PCBP3: variants seen among roughly 807,000 people sequenced by gnomAD.
PCBP3 encodes the protein poly(rC) binding protein 3.
In PCBP3, 25 loss-of-function variants were observed where a neutral mutation model predicts 52.7. The observed-to-expected ratio is 0.47, with a 90% CI of 0.35 to 0.66. The LOEUF (loss-of-function observed/expected upper bound fraction) is 0.66, where lower values mean the gene tolerates loss of function less well. Among genes scored for constraint, PCBP3 ranks in the 30% least tolerant of loss-of-function variants. The pLI is 0.01. For synonymous variants in PCBP3, 162 were observed against 183.0 expected (o/e 0.89, Z 0.93); for missense variants, 391 against 490.3 (o/e 0.80, Z 1.91).
chr21:45,879,370 A>G (rs2095345860), intron 5 of PCBP3, among the ~76,000 whole-genome samples: 2 of 152,246 alleles, frequency 1.3e-5, no homozygotes, highest in African/African-American at 4.8e-5. Flanking sequence ...TGTAGACTCA[A>G]TAACAATGGA....
At chr21:45,649,397 TA>T (rs1603084161) in intron 1 of PCBP3, among the ~76,000 whole-genome samples, 1 of 152,186 alleles carries the variant, frequency 6.6e-6, no homozygotes, top group East Asian at 1.9e-4. Flanking sequence ...TCCTCCTCTT[TA>T]AAAAATATTT....
intron 4 of PCBP3, among the ~76,000 whole-genome samples, chr21:45,844,712 G>A (rs977907768): frequency 1.3e-5 from 2 of 152,070 alleles, no homozygotes; most frequent in South Asian, 2.1e-4. Flanking sequence ...AAGTGGCAAC[G>A]TTAGGGTCCA....
At position 45,901,378 on chromosome 21, in the gene PCBP3, C is replaced by T. The variant is rs909643725; in HGVS notation, c.339+265C>T. 3.6e-5 allele frequency: 15 copies of T among 421,226 alleles called. No individual in the cohort carries two copies. In the East Asian group the frequency reaches 6.9e-4, roughly 19 times the overall value. 26.1% of individuals were successfully genotyped at this position (421,226 alleles called of 1,614,324 possible). A position where few individuals can be genotyped will look rare whatever the true frequency, so the allele number is the denominator to read the frequency against. On this transcript the variant is annotated intron_variant, in intron 9 of 17. Coordinates refer to ENST00000681687, the MANE Select transcript of PCBP3 (RefSeq NM_001384156.1). ...TCCACCTCCCTCAGCTTCCCCAGAC[C>T]CTGCCCTGGGGCACCGAGCACGGCC...
rs2091520413 is a variant in PCBP3, at chr21:45,791,113, A to AGAGATGG, written c.-126+35662_-126+35668dup. Among the ~76,000 whole-genome samples the AGAGATGG allele has an allele frequency of 6.6e-6, 1 of 152,170 alleles. No homozygotes were observed. Among genetic ancestry groups the AGAGATGG allele is most frequent in the East Asian group, 1.9e-4 (1 of 5,174 alleles). On this transcript the variant is annotated intron_variant, in intron 4 of 17. Coordinates refer to ENST00000681687, the MANE Select transcript of PCBP3 (RefSeq NM_001384156.1). The surrounding 1 kb of genome is among the most constrained non-coding windows in gnomAD (Gnocchi z 4.2). Reference sequence around the variant, plus strand: ...CAGCATCTTGCAGTGGCGAAGGTGCAGAGATGGTGGGGTCCATCCCAGGAA... The same window carrying AGAGATGG: ...CAGCATCTTGCAGTGGCGAAGGTGCAGAGATGGGAGATGGTGGGGTCCATCCCAGGAA...
chr21:45,865,726 G>A (rs1013670076), intron 5 of PCBP3, among the ~76,000 whole-genome samples: 5 of 152,216 alleles, frequency 3.3e-5, no homozygotes, highest in African/African-American at 1.2e-4. Flanking sequence ...CCTTCTCCAT[G>A]TGTGGGGTGT....
intron 4 of PCBP3, among the ~76,000 whole-genome samples, chr21:45,778,192 T>C (rs1569210967): frequency 6.6e-6 from 1 of 152,118 alleles, no homozygotes; most frequent in Non-Finnish European, 1.5e-5. Flanking sequence ...TAAACAGCAT[T>C]GGTGGTGTCT....
intron 4 of PCBP3, among the ~76,000 whole-genome samples, chr21:45,796,987 A>C (rs1291840672): frequency 6.6e-6 from 1 of 152,242 alleles, no homozygotes; most frequent in Non-Finnish European, 1.5e-5. Flanking sequence ...GTCTGGGGAC[A>C]GGCCATGGAG....
intron 4 of PCBP3, among the ~76,000 whole-genome samples, chr21:45,807,248 G>C (rs561536669): frequency 1.8e-4 from 27 of 152,284 alleles, no homozygotes; most frequent in Non-Finnish European, 3.1e-4. Flanking sequence ...AAGTCAAATT[G>C]TCTCTGTTTG....
intron 5 of PCBP3, among the ~76,000 whole-genome samples, chr21:45,863,321 G>A (rs1035838138): frequency 5.9e-5 from 9 of 152,244 alleles, no homozygotes; most frequent in Non-Finnish European, 1.2e-4. Flanking sequence ...TGGCAGACTG[G>A]CGGCAGCAGC....
intron 5 of PCBP3, among the ~76,000 whole-genome samples, chr21:45,875,791 G>T (rs2095239591): frequency 6.6e-6 from 1 of 152,248 alleles, no homozygotes; most frequent in African/African-American, 2.4e-5. Flanking sequence ...TTCCAAGAGG[G>T]TTAAACTTCT....
intron 4 of PCBP3, among the ~76,000 whole-genome samples, chr21:45,806,425 C>G (rs1055492494): frequency 3.3e-5 from 5 of 152,076 alleles, no homozygotes; most frequent in Non-Finnish European, 7.4e-5. Context: ...TAACCGCACC[C>G]TGGCTCAATG....
Position 45,827,191 on chromosome 21 carries a change from C to T in PCBP3, c.-125-22770C>T, listed in dbSNP as rs2093330707. On this transcript the variant is annotated intron_variant, in intron 4 of 17. Coordinates refer to ENST00000681687, the MANE Select transcript of PCBP3 (RefSeq NM_001384156.1). This position sits in a 1 kb window ranked among gnomAD's most constrained non-coding sequence, Gnocchi z 4.3. ...GGGCATCAGCTGAGGGACAAGGAGC[C>T]CTTCCCATCTGGGCATCAGCTGAGG... Among the ~76,000 whole-genome samples, 1 of 152,180 alleles carries T rather than the reference C, an allele frequency of 6.6e-6. No individual in the cohort carries two copies. The highest frequency in any genetic ancestry group is 6.5e-5 in the Admixed American group (1 of 15,288).
intron 2 of PCBP3, among the ~76,000 whole-genome samples, chr21:45,713,154 C>T (rs1443048980): frequency 6.6e-6 from 1 of 152,202 alleles, no homozygotes; most frequent in Non-Finnish European, 1.5e-5. Context: ...TAGGAAATTA[C>T]TTCCAGTAGT....
chr21:45,777,087 G>A lies in PCBP3; in HGVS notation c.-126+21635G>A, dbSNP rs901183091. 3.9e-5 allele frequency among the ~76,000 whole-genome samples: 6 copies of A among 152,124 alleles called. No individual in the cohort carries two copies. The South Asian group carries it at 6.2e-4, about 16-fold the overall frequency. On this transcript the variant is annotated intron_variant, in intron 4 of 17. Coordinates refer to ENST00000681687, the MANE Select transcript of PCBP3 (RefSeq NM_001384156.1). ...GGTTTAGGACTCCCTTGAGCATTTCGTGTAGGGATGATGTAGTGGTAACAA... is the reference window on the plus strand; with the variant it reads ...GGTTTAGGACTCCCTTGAGCATTTCATGTAGGGATGATGTAGTGGTAACAA...
At chr21:45,793,057 G>A (rs968122444) in intron 4 of PCBP3, among the ~76,000 whole-genome samples, 1 of 152,176 alleles carries the variant, frequency 6.6e-6, no homozygotes, top group Non-Finnish European at 1.5e-5. Flanking sequence ...AAGCAAAACT[G>A]CCAACAAGCT....
intron 2 of PCBP3, among the ~76,000 whole-genome samples, chr21:45,687,244 A>G (rs912614584): frequency 1.3e-5 from 2 of 152,194 alleles, no homozygotes; most frequent in African/African-American, 2.4e-5. Flanking sequence ...CAGAGTAAAT[A>G]TTATTTAAAA....
intron 2 of PCBP3, among the ~76,000 whole-genome samples, chr21:45,696,299 CAAT>C (rs934333743): frequency 4.6e-5 from 7 of 151,884 alleles, no homozygotes; most frequent in African/African-American, 1.7e-4. Context: ...AAACCAGACT[CAAT>C]AAGCCCTACC....
chr21:45,818,062 G>A (rs563004496), intron 4 of PCBP3, among the ~76,000 whole-genome samples: 6 of 152,056 alleles, frequency 3.9e-5, no homozygotes, highest in Admixed American at 6.6e-5. Flanking sequence ...TCGCACTGTC[G>A]CCCAGGCTGG....
chr21:45,854,458 G>A (rs9984438), intron 5 of PCBP3, among the ~76,000 whole-genome samples: 42 of 152,040 alleles, frequency 2.8e-4, no homozygotes, highest in African/African-American at 9.2e-4. Flanking sequence ...CCTACTCTCT[G>A]TCTCTAGGAA....
Sources: allele counts gnomAD v4.1 joint callset (sites outside exome capture counted in the v4.1 genomes callset), GRCh38; gene constraint gnomAD v4.1.1; non-coding constraint Gnocchi (gnomAD v3.1); transcripts MANE v1.5; gene names NCBI Gene and HGNC (gene_info 2026-07-23, HGNC 2026-07-21).